WDFY4: variants seen among roughly 807,000 people sequenced by gnomAD.
WDFY4 encodes WD repeat- and FYVE domain-containing protein 4.
In WDFY4, 169 loss-of-function variants were observed where a neutral mutation model predicts 351.9. The ratio of observed to expected loss-of-function variants is 0.48; its 90% CI spans 0.42 to 0.55. WDFY4 has a LOEUF of 0.55. Ranked by LOEUF, WDFY4 falls within the 20% of genes least tolerant of loss-of-function variation. WDFY4 has a pLI of 0.00. For synonymous variants in WDFY4, 1,622 were observed against 1,574.6 expected, an observed-to-expected ratio of 1.03 and a Z score of -0.71; for missense variants, 3,803 against 3,935.6, an observed-to-expected ratio of 0.97 and a Z score of 0.90.
At chr10:48,817,875 A>C (rs902199660) in intron 32 of WDFY4, among the ~76,000 whole-genome samples, 1 of 152,212 alleles carries the variant, frequency 6.6e-6, no homozygotes, top group African/African-American at 2.4e-5. Context: ...GCAGAGGCCC[A>C]GCTTAGAGCC....
intron 35 of WDFY4, chr10:48,824,309 A>T (rs2067925165): frequency 2.0e-5 from 9 of 460,550 alleles, no homozygotes; most frequent in Non-Finnish European, 2.6e-5. Flanking sequence ...TATGACAAAC[A>T]GGCAATATAT....
chr10:48,822,307 C>T (rs1420744878), intron 34 of WDFY4, 73 bp from the exon 35 acceptor site: 1 of 1,444,882 alleles, frequency 6.9e-7, no homozygotes, highest in Non-Finnish European at 9.1e-7. Context: ...TTGGTCACTA[C>T]AGGGGGCTTG....
intron 49 of WDFY4, among the ~76,000 whole-genome samples, 197 bp downstream of exon 49, chr10:48,943,646 G>A (rs747652739): frequency 2.0e-5 from 3 of 152,012 alleles, no homozygotes; most frequent in Non-Finnish European, 2.9e-5. Context: ...AGGCTGGAGT[G>A]CAAAGGCGCA....
At chr10:48,927,507 G>A (rs1357159056) in intron 47 of WDFY4, among the ~76,000 whole-genome samples, 2 of 152,174 alleles carry the variant, frequency 1.3e-5, no homozygotes, top group Admixed American at 6.5e-5. Flanking sequence ...CAAATGGAGT[G>A]TCTGTATAAA....
intron 12 of WDFY4, among the ~76,000 whole-genome samples, chr10:48,749,410 C>G (rs774488350): frequency 5.3e-5 from 8 of 151,696 alleles, no homozygotes; most frequent in Non-Finnish European, 1.2e-4. Flanking sequence ...TACCACACAC[C>G]CACACACTGC....
chr10:48,956,481 C>T (rs550200677), intron 51 of WDFY4, among the ~76,000 whole-genome samples: 2 of 152,316 alleles, frequency 1.3e-5, no homozygotes, highest in African/African-American at 4.8e-5. Flanking sequence ...CCAGGGCCCT[C>T]CCCTAGCGAG....
rs184499001 is a variant in WDFY4, at chr10:48,828,559, A to T, written c.6222-219A>T. On this transcript the variant is annotated intron_variant, in intron 36 of 61. Transcript: ENST00000325239. ...CAGGTGGGATTTCACAAGACTTCTC[A>T]TAAGGAGAAAGTGTTTCTCCTACTA... Among the ~76,000 whole-genome samples the T allele has an allele frequency of 4.3e-3, 652 of 152,348 alleles. 5 individuals carry two copies. Among genetic ancestry groups the T allele is most frequent in the African/African-American group, 0.015 (619 of 41,570 alleles).
chr10:48,780,360 G>T lies in WDFY4; in HGVS notation c.3576+241G>T, dbSNP rs529582484. Reference sequence around the variant, plus strand: ...GCTACCAGGGCAGAAGGCAAGACATGCATCCAGGTCTCTAAGAATAGTCAT... The same window carrying T: ...GCTACCAGGGCAGAAGGCAAGACATTCATCCAGGTCTCTAAGAATAGTCAT... On this transcript the variant is annotated intron_variant, in intron 19 of 61. Coordinates refer to ENST00000325239, the MANE Select transcript of WDFY4 (RefSeq NM_001394531.1). Among the ~76,000 whole-genome samples the T allele has an allele frequency of 5.8e-4, 89 of 152,342 alleles. No individual in the cohort carries two copies. In the South Asian group the frequency reaches 8.9e-3, roughly 15 times the overall value.
chr10:48,846,115 C>T (rs1056590265), intron 39 of WDFY4, among the ~76,000 whole-genome samples: 6 of 152,208 alleles, frequency 3.9e-5, no homozygotes, highest in Non-Finnish European at 5.9e-5. Context: ...CATTAGTTTC[C>T]AAGCTGTGCA....
chr10:48,834,696 G>A (rs1189184118), intron 39 of WDFY4, among the ~76,000 whole-genome samples: 1 of 152,206 alleles, frequency 6.6e-6, no homozygotes, highest in Admixed American at 6.5e-5. Flanking sequence ...CAGGAGGTCA[G>A]GACAGCCTGG....
chr10:48,878,910 T>C (rs1463531588), intron 43 of WDFY4, among the ~76,000 whole-genome samples: 1 of 152,266 alleles, frequency 6.6e-6, no homozygotes, highest in Non-Finnish European at 1.5e-5. Flanking sequence ...ACGTGCTAAA[T>C]TCATGTGCAT....
chr10:48,698,921 C>T (rs1177242594), intron 1 of WDFY4, among the ~76,000 whole-genome samples: 1 of 152,178 alleles, frequency 6.6e-6, no homozygotes, highest in Non-Finnish European at 1.5e-5. Context: ...GGACTGGAGA[C>T]TCAGGGAAGG....
chr10:48,921,914 T>A (rs1839117552), intron 47 of WDFY4, among the ~76,000 whole-genome samples: 1 of 152,222 alleles, frequency 6.6e-6, no homozygotes. Context: ...CGGAAATTTC[T>A]TATAAAATTA....
At chr10:48,869,543 T>G in intron 40 of WDFY4, among the ~76,000 whole-genome samples, 1 of 24,356 alleles carries the variant, frequency 4.1e-5, no homozygotes, top group South Asian at 1.9e-3. Context: ...AATCAGCCAA[T>G]TTTTTTTTTT....
At chr10:48,738,858 C>T (rs2064759366) in intron 11 of WDFY4, among the ~76,000 whole-genome samples, 1 of 152,210 alleles carries the variant, frequency 6.6e-6, no homozygotes, top group South Asian at 2.1e-4. Flanking sequence ...AGGGCATTCA[C>T]AGCATGCCAT....
chr10:48,950,477 G>A (rs993999863), intron 51 of WDFY4, among the ~76,000 whole-genome samples: 1 of 152,312 alleles, frequency 6.6e-6, no homozygotes, highest in East Asian at 1.9e-4. Flanking sequence ...GAAGGGTGCT[G>A]CTGTGAACAC....
chr10:48,844,057 C>CCGCCTGG (rs1173966502), intron 39 of WDFY4, among the ~76,000 whole-genome samples: 1 of 152,254 alleles, frequency 6.6e-6, no homozygotes, highest in Non-Finnish European at 1.5e-5. Context: ...CACAGCCGGG[C>CCGCCTGG]CGCCTGGCGC....
chr10:48,820,924 A>T (rs937071019), intron 33 of WDFY4, 138 bp from the exon 34 acceptor site: 8 of 646,260 alleles, frequency 1.2e-5, no homozygotes, highest in Non-Finnish European at 2.2e-5. Flanking sequence ...GTGGGCCCCC[A>T]GAGAAGGGAA....
chr10:48,709,583 A>C, intron 1 of WDFY4, 133 bp from the exon 2 acceptor site: 1 of 717,318 alleles, frequency 1.4e-6, no homozygotes, highest in Non-Finnish European at 2.3e-6. Flanking sequence ...TCCTTATTTT[A>C]GTCTGTTTCA....
Sources: gnomAD v4.1 joint callset for allele counts (sites outside exome capture counted in the v4.1 genomes callset) on GRCh38, gnomAD v4.1.1 for gene constraint, MANE v1.5 for transcripts, NCBI Gene and HGNC (gene_info 2026-07-23, HGNC 2026-07-21) for gene names.